The following UBQLN1 variants were observed in gnomAD, a reference collection of about 807,000 sequenced individuals.
UBQLN1 encodes the protein ubiquilin 1.
Under a neutral mutation model 65.4 loss-of-function variants are expected in UBQLN1, and 13 were observed. The ratio of observed to expected loss-of-function variants is 0.20; its 90% CI spans 0.13 to 0.32. The LOEUF is 0.32. Among genes scored for constraint, UBQLN1 ranks in the 10% least tolerant of loss-of-function variants. The probability of loss-of-function intolerance (pLI) is 1.00; values close to 1 mark genes in which losing one functional copy is unlikely to be tolerated. For synonymous variants in UBQLN1, 267 were observed against 247.8 expected, an observed-to-expected ratio of 1.08 and a Z score of -0.73; for missense variants, 561 against 724.0, an observed-to-expected ratio of 0.77 and a Z score of 2.58.
At chr9:83,676,835 G>C (rs531723591) in intron 6 of UBQLN1, among the ~76,000 whole-genome samples, 1 of 152,302 alleles carries the variant, frequency 6.6e-6, no homozygotes, top group South Asian at 2.1e-4. Flanking sequence ...CCAAGTATTA[G>C]GACTAAAATT....
intron 1 of UBQLN1, among the ~76,000 whole-genome samples, chr9:83,697,895 C>T (rs1250065488): frequency 6.6e-6 from 1 of 152,066 alleles, no homozygotes; most frequent in East Asian, 1.9e-4. Flanking sequence ...CACCACCACA[C>T]CTGGCAAATC....
chr9:83,707,810 C>A lies in UBQLN1; in HGVS notation c.-131G>T, dbSNP rs536479002. On this transcript the variant is annotated 5_prime_UTR_variant, in exon 1 of 11. Transcript: ENST00000376395. ...GCAGAGCACGCCGCCTCAGTAGCAACGGGCGCAGGGCCACCGTAGCGGGTG... is the reference window on the plus strand; with the variant it reads ...GCAGAGCACGCCGCCTCAGTAGCAAAGGGCGCAGGGCCACCGTAGCGGGTG... 1.5e-6 allele frequency: 2 copies of A among 1,326,784 alleles called. No homozygotes were observed. The highest frequency in any genetic ancestry group is 1.6e-5 in the African/African-American group (1 of 64,116). The allele number at this position is 1,326,784 out of a possible 1,614,324, so 82.2% of individuals were successfully genotyped here.
intron 6 of UBQLN1, among the ~76,000 whole-genome samples, chr9:83,674,175 A>G (rs1366784296): frequency 1.4e-4 from 21 of 145,268 alleles, no homozygotes; most frequent in Non-Finnish European, 1.2e-4. Context: ...GCACAAAATC[A>G]CTGCAGCATT....
At chr9:83,678,380 C>T (rs1346631127) in intron 5 of UBQLN1, 61 bp downstream of exon 5, 7 of 1,537,090 alleles carry the variant, frequency 4.6e-6, no homozygotes, top group East Asian at 2.3e-5. Flanking sequence ...CTCAATCATA[C>T]ACATATTTGT....
At chr9:83,707,088 T>G (rs533579784) in intron 1 of UBQLN1, among the ~76,000 whole-genome samples, 3 of 152,088 alleles carry the variant, frequency 2.0e-5, no homozygotes, top group Non-Finnish European at 4.4e-5. Flanking sequence ...CCCTTTTTAA[T>G]TCATGAAACA....
At chr9:83,683,436 A>AAG (rs1491038192) in intron 2 of UBQLN1, among the ~76,000 whole-genome samples, 1 of 149,744 alleles carries the variant, frequency 6.7e-6, no homozygotes, top group Non-Finnish European at 1.5e-5. Context: ...AAAAAAAAAA[A>AAG]GAACCACTGA....
Position 83,677,628 on chromosome 9 carries a change from T to C in UBQLN1, c.1105+99A>G, listed in dbSNP as rs949944540. On this transcript the variant is annotated intron_variant, in intron 6 of 10. Coordinates refer to ENST00000376395, the MANE Select transcript of UBQLN1 (RefSeq NM_013438.5). ...TATAGTTTATAAAAGATACTCACTA[T>C]ACATACACACAAAAGCACAAAGAAT... 7.3e-6 allele frequency: 6 copies of C among 825,400 alleles called. No individual in the cohort carries two copies. In the Admixed American group the frequency reaches 1.4e-4, roughly 20 times the overall value. The allele number at this position is 825,400 out of a possible 1,614,324, so 51.1% of individuals were successfully genotyped here.
At chr9:83,683,205 G>C (rs1348122345) in intron 2 of UBQLN1, 139 bp from the exon 3 acceptor site, 1 of 505,754 alleles carries the variant, frequency 2.0e-6, no homozygotes, top group African/African-American at 2.0e-5. Flanking sequence ...GAGGTCAAGA[G>C]ATAGAGAACA....
chr9:83,694,201 T>C (rs1376870849), intron 1 of UBQLN1, among the ~76,000 whole-genome samples: 1 of 152,196 alleles, frequency 6.6e-6, no homozygotes, highest in Non-Finnish European at 1.5e-5. Context: ...GCTCTGAAGA[T>C]AAAACACACA....
intron 1 of UBQLN1, among the ~76,000 whole-genome samples, chr9:83,700,428 T>G (rs1832291675): frequency 6.6e-6 from 1 of 152,214 alleles, no homozygotes; most frequent in Non-Finnish European, 1.5e-5. Flanking sequence ...ACTAGATTCA[T>G]CTGTAAATAA....
intron 7 of UBQLN1, chr9:83,668,488 T>G (rs1015618748): frequency 2.0e-6 from 2 of 985,260 alleles, no homozygotes; most frequent in African/African-American, 1.7e-5. Context: ...CCTAGGCAAC[T>G]TGAGGGAGAA....
intron 6 of UBQLN1, among the ~76,000 whole-genome samples, chr9:83,674,055 T>G (rs1564162724): frequency 6.6e-6 from 1 of 152,060 alleles, no homozygotes; most frequent in Non-Finnish European, 1.5e-5. Context: ...CACCTTGGCC[T>G]CCCAAAGTCC....
At position 83,679,981 on chromosome 9, in the gene UBQLN1, A is replaced by G; in HGVS notation, c.505T>C (p.Ser169Pro). ...CGCTGCATCTGACTCTGTAGTTCAG[A>G]GAAGTTGGTAGTATTCAAACCCAAG... ...SSLGLNTTNF[S>P]ELQSQMQRQL... Residue 169 changes from serine (S) to proline (P), a missense_variant, in exon 4 of 11, where the codon TCT becomes CCT. Coordinates refer to ENST00000376395, the MANE Select transcript of UBQLN1 (RefSeq NM_013438.5). 6.2e-7 allele frequency: 1 copy of G among 1,614,196 alleles called. No individual in the cohort carries two copies. The highest frequency in any genetic ancestry group is 8.5e-7 in the Non-Finnish European group (1 of 1,180,028).
rs752014592 is a variant in UBQLN1 at position 83,707,548 on chromosome 9, C to T, written c.132G>A (p.Pro44=). 25 of 1,611,478 alleles carry T rather than the reference C, an allele frequency of 1.6e-5. No individual in the cohort carries two copies. The Middle Eastern group carries it at 5.0e-4, about 32-fold the overall frequency. ...PKIMKVTVKT[P]KEKEEFAVPE... Reference sequence around the variant, plus strand: ...GCACGGCGAATTCCTCCTTTTCCTTCGGGGTCTTCACGGTGACTTTCATGA... The same window carrying T: ...GCACGGCGAATTCCTCCTTTTCCTTTGGGGTCTTCACGGTGACTTTCATGA... The change falls in exon 1 of 11, where the codon CCG becomes CCA. Residue 44 remains proline, a synonymous_variant. Coordinates refer to ENST00000376395, the MANE Select transcript of UBQLN1 (RefSeq NM_013438.5).
At chr9:83,703,636 T>C (rs1418486977) in intron 1 of UBQLN1, among the ~76,000 whole-genome samples, 1 of 152,216 alleles carries the variant, frequency 6.6e-6, no homozygotes, top group Non-Finnish European at 1.5e-5. Context: ...CACCTTGGAA[T>C]GTACACAGTG....
Position 83,663,997 on chromosome 9 carries a change from C to T in UBQLN1, c.1495G>A (p.Gly499Arg), listed in dbSNP as rs374182108. The T allele has an allele frequency of 5.0e-6, 8 of 1,614,008 alleles. No individual in the cohort carries two copies. Among genetic ancestry groups the T allele is most frequent in the Non-Finnish European group, 6.8e-6 (8 of 1,180,000 alleles). The stretch of plus-strand genomic sequence containing the variant: ...GGTGTGGCGTTAGATCCATTAGTTC[C>T]CGAAGAGCCTCCAGTGCTTCCTAAT... ...GALGSTGGSS[G>R]TNGSNATPSE... Residue 499 changes from glycine to arginine, a missense_variant, in exon 10 of 11, where the codon GGA (glycine) becomes AGA (arginine). Transcript: ENST00000376395.
chr9:83,699,524 C>T (rs1832276477), intron 1 of UBQLN1, among the ~76,000 whole-genome samples: 1 of 152,028 alleles, frequency 6.6e-6, no homozygotes, highest in South Asian at 2.1e-4. Context: ...AGGCTGGTCT[C>T]GAACTCCAGG....
intron 3 of UBQLN1, among the ~76,000 whole-genome samples, chr9:83,681,035 A>G (rs893273939): frequency 5.3e-5 from 8 of 152,326 alleles, no homozygotes; most frequent in African/African-American, 1.9e-4. Flanking sequence ...GAAATAATAA[A>G]TACACACACC....
At chr9:83,664,507 C>A (rs896792632) in intron 9 of UBQLN1, among the ~76,000 whole-genome samples, 1 of 152,092 alleles carries the variant, frequency 6.6e-6, no homozygotes, top group Non-Finnish European at 1.5e-5. Flanking sequence ...GTCCCAACTA[C>A]TGGGGAGGCT....
Sources: allele counts gnomAD v4.1 joint callset (sites outside exome capture counted in the v4.1 genomes callset), GRCh38; gene constraint gnomAD v4.1.1; transcripts MANE v1.5; gene names NCBI Gene and HGNC (gene_info 2026-07-23, HGNC 2026-07-21).